The following PRDM9 variants were observed in gnomAD, a reference collection of about 807,000 sequenced individuals.
PRDM9 encodes the protein PR/SET domain 9.
PRDM9 carries 47 observed loss-of-function variants against 55.6 expected under a neutral mutation model. The observed-to-expected ratio is 0.85, with a 90% CI of 0.67 to 1.08. PRDM9 has a LOEUF of 1.08. Among genes scored for constraint, PRDM9 ranks in the 50% least tolerant of loss-of-function variants. The pLI, the probability that PRDM9 is intolerant of heterozygous loss-of-function variation, is 0.00. For missense variants in PRDM9, 867 were observed against 1,040.3 expected (o/e 0.83, Z 2.29); for synonymous variants, 312 against 375.7 (o/e 0.83, Z 1.96).
rs879179015 is a variant in PRDM9 at position 23,522,758 on chromosome 5, G to T, written c.755G>T (p.Gly252Val). The T allele has an allele frequency of 1.9e-6, 3 of 1,614,204 alleles. No individual in the cohort carries two copies. Among genetic ancestry groups the T allele is most frequent in the Non-Finnish European group, 2.5e-6 (3 of 1,180,036 alleles). ...CCAGGGCTGAGAATTGGGCCATCAG[G>T]CATCCCTCAGGCTGGGCTTGGAGTA... ...LPPGLRIGPS[G>V]IPQAGLGVWN... The change falls in exon 8 of 11, where the codon GGC becomes GTC. Residue 252 changes from glycine to valine, a missense_variant. Physicochemically the swap from Gly to Val is moderately radical, Grantham distance 109. Transcript: ENST00000296682.
intron 2 of PRDM9, 140 bp from the exon 3 acceptor site, chr5:23,509,330 G>A (rs749659598): frequency 2.7e-6 from 4 of 1,488,520 alleles, no homozygotes; most frequent in Non-Finnish European, 3.7e-6. Context: ...ATGGGACACA[G>A]TCTGGAGAAG....
chr5:23,512,245 G>T (rs184327231), intron 4 of PRDM9, among the ~76,000 whole-genome samples: 12 of 152,164 alleles, frequency 7.9e-5, no homozygotes, highest in African/African-American at 2.2e-4. Context: ...TAGTTTCCCT[G>T]ATCTTTCCCA....
chr5:23,513,852 C>A (rs894327285), intron 4 of PRDM9, among the ~76,000 whole-genome samples: 3 of 152,070 alleles, frequency 2.0e-5, no homozygotes, highest in Admixed American at 2.0e-4. Flanking sequence ...GTACTGCAGC[C>A]TGGGCAACAG....
intron 4 of PRDM9, 120 bp downstream of exon 4, chr5:23,510,147 C>T: frequency 2.0e-6 from 2 of 982,216 alleles, no homozygotes; most frequent in Admixed American, 4.8e-5. Flanking sequence ...CTCCACCTCC[C>T]AGGTTCAAGC....
intron 3 of PRDM9, 64 bp downstream of exon 3, chr5:23,509,657 T>C (rs976933149): frequency 5.0e-6 from 8 of 1,611,710 alleles, no homozygotes; most frequent in African/African-American, 2.7e-5. Context: ...GGTCCCTATA[T>C]TATTTTAGTT....
rs749735500 is a variant in PRDM9 at position 23,527,352 on chromosome 5, G to C, written c.2264G>C (p.Arg755Pro). The stretch of plus-strand genomic sequence containing the variant: ...CCCTATGTCTGCAGGGAGTGTGGGC[G>C]GGGCTTTCGCGATAAGTCACACCTC... ...EKPYVCRECG[R>P]GFRDKSHLLR... Residue 755 changes from arginine to proline, a missense_variant, in exon 11 of 11, where the codon CGG (arginine) becomes CCG (proline). Arg to Pro is a moderately radical substitution (Grantham distance 103). This residue lies in a region of PRDM9 where 92 missense variants were observed against 185.7 expected (regional missense o/e 0.50). Coordinates refer to ENST00000296682, the MANE Select transcript of PRDM9 (RefSeq NM_020227.4). 14 of 1,531,698 alleles carry C rather than the reference G, an allele frequency of 9.1e-6. No individual in the cohort carries two copies. Among genetic ancestry groups the C allele is most frequent in the African/African-American group, 2.1e-5 (1 of 47,756 alleles). 94.9% of individuals were successfully genotyped at this position (1,531,698 alleles called of 1,614,324 possible).
rs773785095 is a variant in PRDM9 at position 23,526,865 on chromosome 5, T to G, written c.1777T>G (p.Ser593Ala). Reference protein sequence around the residue: ...RECGRGFSWQSVLLTHQRTHT... With the variant: ...RECGRGFSWQAVLLTHQRTHT... The stretch of plus-strand genomic sequence containing the variant: ...GTGTGGGCGGGGCTTTAGCTGGCAG[T>G]CAGTCCTCCTCACTCACCAGAGGAC... The change falls in exon 11 of 11, where the codon TCA becomes GCA. Residue 593 changes from serine to alanine, a missense_variant. Around this residue, in one of 5 missense-constraint regions of PRDM9, gnomAD observed 662 missense variants for 711.9 expected, o/e 0.93. Coordinates refer to ENST00000296682, the MANE Select transcript of PRDM9 (RefSeq NM_020227.4). 17 of 1,600,826 alleles carry G rather than the reference T, an allele frequency of 1.1e-5. No individual in the cohort carries two copies. The highest frequency in any genetic ancestry group is 2.3e-5 in the East Asian group (1 of 44,012).
chr5:23,520,102 T>G (rs1739298706), intron 5 of PRDM9, among the ~76,000 whole-genome samples: 1 of 144,474 alleles, frequency 6.9e-6, no homozygotes, highest in Non-Finnish European at 1.5e-5. Context: ...TGGGGGCTCA[T>G]GCCTATAATC....
At chr5:23,520,199 T>A (rs1465820728) in intron 5 of PRDM9, among the ~76,000 whole-genome samples, 1 of 151,370 alleles carries the variant, frequency 6.6e-6, no homozygotes, top group East Asian at 2.0e-4. Flanking sequence ...ACCCCGTCTC[T>A]AATAAATATA....
rs1739360577 is a variant in PRDM9 at position 23,522,846 on chromosome 5, A to G, written c.843A>G (p.Thr281=). Residue 281 remains threonine (T), a synonymous_variant, in exon 8 of 11, where the codon ACA becomes ACG. Coordinates refer to ENST00000296682, the MANE Select transcript of PRDM9 (RefSeq NM_020227.4). ...LHFGPYEGRI[T]EDEEAANNGY... is the part of the protein sequence containing the mutation. ...TTGGCCCTTATGAGGGCCGAATTAC[A>G]GAAGACGAAGAGGCAGCCAACAATG... 6.2e-7 allele frequency: 1 copy of G among 1,614,138 alleles called. No homozygotes were observed. Among genetic ancestry groups the G allele is most frequent in the Admixed American group, 1.7e-5 (1 of 60,014 alleles).
intron 2 of PRDM9, 90 bp from the exon 3 acceptor site, chr5:23,509,380 C>T (rs910976771): frequency 3.3e-5 from 53 of 1,601,928 alleles, no homozygotes; most frequent in Non-Finnish European, 4.4e-5. Flanking sequence ...TCCCAGAGGC[C>T]CCAGGCTATG....
intron 4 of PRDM9, among the ~76,000 whole-genome samples, chr5:23,512,358 A>G (rs1739115575): frequency 6.6e-6 from 1 of 152,054 alleles, no homozygotes; most frequent in Non-Finnish European, 1.5e-5. Flanking sequence ...TGGTTAGGAG[A>G]GTTTAGAAGT....
rs1286957635 is a variant in PRDM9 at position 23,524,107 on chromosome 5, A to G, written c.951-227A>G. Among the ~76,000 whole-genome samples the G allele has an allele frequency of 3.9e-5, 6 of 152,306 alleles. No individual in the cohort carries two copies. In the East Asian group the frequency reaches 1.2e-3, roughly 29 times the overall value. On this transcript the variant is annotated intron_variant, in intron 9 of 10. Transcript: ENST00000296682. ...GCTTTGAAAAAATGGTTGATTAGGC[A>G]TGGCAGGGAAACATTCTAGGCAGGA...
At chr5:23,522,168 C>T (rs1435350354) in intron 6 of PRDM9, 136 bp from the exon 7 acceptor site, 15 of 791,468 alleles carry the variant, frequency 1.9e-5, no homozygotes, top group Admixed American at 1.1e-4. Flanking sequence ...CTCTCTGAAG[C>T]AGTAGTTAAA....
intron 4 of PRDM9, among the ~76,000 whole-genome samples, chr5:23,513,932 G>A (rs1299212594): frequency 6.6e-6 from 1 of 152,006 alleles, no homozygotes; most frequent in East Asian, 1.9e-4. Context: ...TACCCACTCT[G>A]TTACATTCTA....
At chr5:23,508,536 G>A (rs1739027712) in intron 1 of PRDM9, among the ~76,000 whole-genome samples, 1 of 152,038 alleles carries the variant, frequency 6.6e-6, no homozygotes, top group Non-Finnish European at 1.5e-5. Flanking sequence ...TCCTGTCTAT[G>A]CGAAATGTTC....
At position 23,508,977 on chromosome 5, in the gene PRDM9, T is replaced by G; in HGVS notation, c.-57T>G. The G allele has an allele frequency of 6.3e-7, 1 of 1,598,450 alleles. No homozygotes were observed. The highest frequency in any genetic ancestry group is 8.6e-7 in the Non-Finnish European group (1 of 1,168,200). ...GCCTTTGGCCTAGGAGCTGGGAGAC[T>G]CAGGGCCCTTCTCACACTCAGAATT... is the stretch of plus-strand genomic sequence containing the variant. On this transcript the variant is annotated 5_prime_UTR_variant, in exon 2 of 11. Coordinates refer to ENST00000296682, the MANE Select transcript of PRDM9 (RefSeq NM_020227.4).
Position 23,524,428 on chromosome 5 carries a change from C to A in PRDM9, c.1045C>A (p.Pro349Thr), listed in dbSNP as rs1739392155. The A allele has an allele frequency of 6.2e-7, 1 of 1,613,812 alleles. No individual in the cohort carries two copies. The highest frequency in any genetic ancestry group is 8.5e-7 in the Non-Finnish European group (1 of 1,179,926). ...CTATAGAACCTGCCGAGTCATTAGG[C>A]CAGGCTGTGAACTGCTGGTCTGGTA... ...IFYRTCRVIR[P>T]GCELLVWYGD... The change falls in exon 10 of 11, where the codon CCA becomes ACA. Residue 349 changes from proline (P) to threonine (T), a missense_variant. Physicochemically the swap from Pro to Thr is conservative, Grantham distance 38 (BLOSUM62 -1). Transcript: ENST00000296682.
chr5:23,513,890 A>C (rs1739149817), intron 4 of PRDM9, among the ~76,000 whole-genome samples: 1 of 152,098 alleles, frequency 6.6e-6, no homozygotes, highest in Non-Finnish European at 1.5e-5. Flanking sequence ...AAACAAAAAC[A>C]AAAACAAAAA....
Sources: gnomAD v4.1 joint callset for allele counts (sites outside exome capture counted in the v4.1 genomes callset) on GRCh38, gnomAD v4.1.1 for gene constraint, gnomAD v4.1.1 regional missense constraint, MANE v1.5 for transcripts, NCBI Gene and HGNC (gene_info 2026-07-23, HGNC 2026-07-21) for gene names.